VWA2: variants seen among roughly 807,000 people sequenced by gnomAD.
VWA2 encodes the protein von Willebrand factor A domain-containing protein 2.
A neutral mutation model predicts 70.4 loss-of-function variants in VWA2; 73 were observed. The ratio of observed to expected loss-of-function variants is 1.04; its 90% CI spans 0.86 to 1.26. VWA2 has a LOEUF of 1.26. VWA2 is among the 50% of genes most tolerant of loss of function. The pLI is 0.00. For synonymous variants in VWA2, 407 were observed against 423.3 expected (o/e 0.96, Z 0.47); for missense variants, 1,011 against 998.5 (o/e 1.01, Z -0.17).
chr10:114,277,871 G>T (rs560483043), intron 6 of VWA2, 43 bp from the exon 7 acceptor site: 2 of 1,564,298 alleles, frequency 1.3e-6, no homozygotes, highest in Non-Finnish European at 1.7e-6. Context: ...GGCAGGAGGA[G>T]GGTGGGTATA....
chr10:114,282,385 A>G (rs532596900), intron 8 of VWA2, 131 bp from the exon 9 acceptor site: 13 of 733,302 alleles, frequency 1.8e-5, no homozygotes. Flanking sequence ...ATCAAGAAAC[A>G]AAACCAGGAA....
At chr10:114,278,544 C>G (rs2037905316) in intron 7 of VWA2, among the ~76,000 whole-genome samples, 175 bp from the exon 8 acceptor site, 1 of 152,220 alleles carries the variant, frequency 6.6e-6, no homozygotes, top group Non-Finnish European at 1.5e-5. Flanking sequence ...GCTGAACAGG[C>G]AGAGCAGGGC....
chr10:114,251,820 ATT>A (rs1219307995), intron 2 of VWA2, among the ~76,000 whole-genome samples: 13 of 120,856 alleles, frequency 1.1e-4, no homozygotes, highest in Admixed American at 3.4e-4. Flanking sequence ...AAAACCTGTA[ATT>A]TTTTTTTTTT....
intron 7 of VWA2, among the ~76,000 whole-genome samples, chr10:114,278,350 CCACA>C (rs1393243771): frequency 6.6e-6 from 1 of 152,174 alleles, no homozygotes; most frequent in African/African-American, 2.4e-5. Context: ...CTGCCTTGGA[CCACA>C]CAGAGGAGCA....
At chr10:114,289,699 A>G (rs2039361061) in intron 12 of VWA2, 1 of 603,210 alleles carries the variant, frequency 1.7e-6, no homozygotes, top group Non-Finnish European at 2.9e-6. Flanking sequence ...AGAAAGTTTA[A>G]CTAACATAGA....
chr10:114,264,822 C>T (rs918079128), intron 5 of VWA2, among the ~76,000 whole-genome samples: 1 of 152,168 alleles, frequency 6.6e-6, no homozygotes, highest in East Asian at 1.9e-4. Context: ...CGGGTTCAAG[C>T]GATTCTCCTG....
At chr10:114,285,583 C>G (rs1182018971) in intron 10 of VWA2, among the ~76,000 whole-genome samples, 2 of 152,198 alleles carry the variant, frequency 1.3e-5, no homozygotes, top group Non-Finnish European at 2.9e-5. Context: ...GACCTCTGTG[C>G]AAAAGGCAAA....
At chr10:114,268,354 A>C (rs1352160471) in intron 5 of VWA2, among the ~76,000 whole-genome samples, 5 of 150,940 alleles carry the variant, frequency 3.3e-5, no homozygotes, top group Non-Finnish European at 7.4e-5. Flanking sequence ...AATTAGAAAA[A>C]TTCTGGTGAG....
chr10:114,268,062 C>A (rs1359904997), intron 5 of VWA2, among the ~76,000 whole-genome samples: 3 of 152,122 alleles, frequency 2.0e-5, no homozygotes, highest in African/African-American at 7.2e-5. Flanking sequence ...CATCCTCTAA[C>A]AATACTATTT....
At chr10:114,240,680 A>G (rs1201962866) in intron 1 of VWA2, among the ~76,000 whole-genome samples, 1 of 152,234 alleles carries the variant, frequency 6.6e-6, no homozygotes, top group Non-Finnish European at 1.5e-5. Context: ...TCAGAAAGGT[A>G]CCACTAGAGT....
chr10:114,255,706 C>T (rs551062921), intron 4 of VWA2, among the ~76,000 whole-genome samples: 9 of 152,214 alleles, frequency 5.9e-5, no homozygotes, highest in African/African-American at 2.2e-4. Flanking sequence ...ATTTCTTGTT[C>T]TTCAAATAGT....
intron 3 of VWA2, among the ~76,000 whole-genome samples, chr10:114,254,622 C>A (rs1353723636): frequency 6.6e-6 from 1 of 152,236 alleles, no homozygotes; most frequent in Non-Finnish European, 1.5e-5. Context: ...CAAGCCTTTT[C>A]AGTGCTGCTC....
chr10:114,243,932 G>A (rs2037018277), intron 1 of VWA2, among the ~76,000 whole-genome samples: 2 of 152,166 alleles, frequency 1.3e-5, no homozygotes, highest in African/African-American at 4.8e-5. Flanking sequence ...CAGGGGCGTG[G>A]AGAGCATCTA....
chr10:114,256,783 G>A (rs1329523625), intron 4 of VWA2, among the ~76,000 whole-genome samples: 2 of 151,996 alleles, frequency 1.3e-5, no homozygotes, highest in East Asian at 3.9e-4. Context: ...GGTGGCACGT[G>A]CCTGTAGTCC....
At chr10:114,288,334 A>G (rs2039161059) in intron 11 of VWA2, among the ~76,000 whole-genome samples, 1 of 152,090 alleles carries the variant, frequency 6.6e-6, no homozygotes, top group African/African-American at 2.4e-5. Context: ...TGTTCATTTC[A>G]TGTCTGTTCC....
At chr10:114,258,897 T>C (rs992457590) in intron 4 of VWA2, among the ~76,000 whole-genome samples, 10 of 152,238 alleles carry the variant, frequency 6.6e-5, no homozygotes, top group Admixed American at 6.5e-5. Context: ...TCTTTGCGTA[T>C]CTGTATACAG....
rs2039728376 is a variant in VWA2, at chr10:114,292,860, C to G, written c.*1623C>G. ...AGCTGGGATTAGAGGCAGGTGCCAC[C>G]ATGCCTAGCTAATTTTTGTATTTTT... is the stretch of plus-strand genomic sequence containing the variant. On this transcript the variant is annotated 3_prime_UTR_variant, in exon 14 of 14. Coordinates refer to ENST00000392982, the MANE Select transcript of VWA2 (RefSeq NM_001272046.2). Among the ~76,000 whole-genome samples, 1 of 152,004 alleles carries G rather than the reference C, an allele frequency of 6.6e-6. No individual in the cohort carries two copies. The highest frequency in any genetic ancestry group is 2.4e-5 in the African/African-American group (1 of 41,386).
intron 4 of VWA2, among the ~76,000 whole-genome samples, chr10:114,257,313 G>A (rs2037351684): frequency 1.3e-5 from 2 of 152,144 alleles, no homozygotes; most frequent in African/African-American, 4.8e-5. Flanking sequence ...GCTTTTAAAA[G>A]GGTTCCTTAT....
chr10:114,255,145 G>C, intron 4 of VWA2, 97 bp downstream of exon 4: 1 of 1,489,478 alleles, frequency 6.7e-7, no homozygotes, highest in Admixed American at 1.7e-5. Context: ...CTCGCTTGTG[G>C]AGCTGGGAAG....
Sources: allele counts gnomAD v4.1 joint callset (sites outside exome capture counted in the v4.1 genomes callset), GRCh38; gene constraint gnomAD v4.1.1; transcripts MANE v1.5; gene names NCBI Gene and HGNC (gene_info 2026-07-23, HGNC 2026-07-21).